The following BNC2 variants were observed in gnomAD, a reference collection of about 807,000 sequenced individuals.
BNC2 encodes the protein zinc finger protein basonuclin-2.
BNC2 carries 20 observed loss-of-function variants against 76.3 expected under a neutral mutation model. The observed-to-expected ratio is 0.26, with a 90% CI of 0.18 to 0.38. The LOEUF (loss-of-function observed/expected upper bound fraction) is 0.38. Ranked by LOEUF, BNC2 falls within the 10% of genes least tolerant of loss-of-function variation. The pLI is 1.00. For missense variants in BNC2, 1,382 were observed against 1,399.8 expected (o/e 0.99, Z 0.20); for synonymous variants, 582 against 514.8 (o/e 1.13, Z -1.77).
intron 1 of BNC2, among the ~76,000 whole-genome samples, chr9:16,815,255 TAGATC>T (rs1413086194): frequency 6.6e-6 from 1 of 152,068 alleles, no homozygotes; most frequent in Non-Finnish European, 1.5e-5. Context: ...AGGGTAAACA[TAGATC>T]AGATATGGTA....
chr9:16,439,599 T>G (rs1821085757), intron 5 of BNC2, among the ~76,000 whole-genome samples: 1 of 152,160 alleles, frequency 6.6e-6, no homozygotes, highest in African/African-American at 2.4e-5. Flanking sequence ...CTGTACTGCT[T>G]TTGCAAGGGA....
intron 1 of BNC2, among the ~76,000 whole-genome samples, chr9:16,842,044 A>G (rs1818843760): frequency 6.6e-6 from 1 of 152,188 alleles, no homozygotes; most frequent in Non-Finnish European, 1.5e-5. Flanking sequence ...TCCTGACCTC[A>G]GATGATCCAC....
intron 5 of BNC2, among the ~76,000 whole-genome samples, chr9:16,506,634 T>C (rs925129685): frequency 1.4e-5 from 2 of 147,838 alleles, no homozygotes; most frequent in Non-Finnish European, 3.0e-5. Flanking sequence ...CAAACGATTC[T>C]CCTGCCTCAG....
intron 3 of BNC2, among the ~76,000 whole-genome samples, chr9:16,616,513 A>G (rs1451633951): frequency 6.6e-6 from 1 of 151,612 alleles, no homozygotes; most frequent in African/African-American, 2.4e-5. Context: ...TGTGGGCAAT[A>G]TTGCAAGACC....
chr9:16,787,152 C>G (rs1172012988), intron 1 of BNC2, among the ~76,000 whole-genome samples: 1 of 152,190 alleles, frequency 6.6e-6, no homozygotes, highest in East Asian at 1.9e-4. Flanking sequence ...TCTCTCTTCA[C>G]TGATGTGAAA....
chr9:16,632,181 T>C (rs1350122817), intron 3 of BNC2, among the ~76,000 whole-genome samples: 1 of 152,026 alleles, frequency 6.6e-6, no homozygotes, highest in African/African-American at 2.4e-5. Flanking sequence ...CATATGATGG[T>C]AGGAACTATT....
In BNC2 at chr9:16,637,975, T is replaced by C. The variant is rs941212073; in HGVS notation, c.331-54890A>G. 3.9e-5 allele frequency among the ~76,000 whole-genome samples: 6 copies of C among 152,202 alleles called. 1 individual carries two copies. The South Asian group carries it at 6.2e-4, about 16-fold the overall frequency. On this transcript the variant is annotated intron_variant, in intron 3 of 6. Coordinates refer to ENST00000380672, the MANE Select transcript of BNC2 (RefSeq NM_017637.6). ...GCAAAAAATCAGAAATATACTTAGG[T>C]GTGGCTGATAACAAAATCACTGGGA... is the stretch of plus-strand genomic sequence containing the variant.
intron 1 of BNC2, among the ~76,000 whole-genome samples, chr9:16,832,788 C>T (rs1818609268): frequency 6.6e-6 from 1 of 151,804 alleles, no homozygotes; most frequent in Non-Finnish European, 1.5e-5. Flanking sequence ...TGCAGTGGCG[C>T]GATCTCGGCT....
intron 3 of BNC2, among the ~76,000 whole-genome samples, chr9:16,708,176 G>T (rs986831450): frequency 2.6e-4 from 39 of 152,160 alleles, no homozygotes; most frequent in African/African-American, 4.8e-4. Flanking sequence ...AATTTATTTT[G>T]GTGGGTACAA....
At chr9:16,624,377 C>T (rs1820937628) in intron 3 of BNC2, among the ~76,000 whole-genome samples, 1 of 150,914 alleles carries the variant, frequency 6.6e-6, no homozygotes, top group Admixed American at 6.6e-5. Context: ...CAGATGTATG[C>T]ACAAGGAAAT....
At chr9:16,730,487 A>G (rs1587360075) in intron 2 of BNC2, among the ~76,000 whole-genome samples, 1 of 152,180 alleles carries the variant, frequency 6.6e-6, no homozygotes, top group Non-Finnish European at 1.5e-5. Flanking sequence ...ACTAAATGTG[A>G]CAGACTGAGA....
intron 3 of BNC2, among the ~76,000 whole-genome samples, chr9:16,690,472 T>C (rs995639158): frequency 6.6e-6 from 1 of 151,952 alleles, no homozygotes; most frequent in Admixed American, 6.6e-5. Flanking sequence ...TATACATACA[T>C]ACATACATAC....
intron 5 of BNC2, among the ~76,000 whole-genome samples, chr9:16,495,417 A>T (rs1024319539): frequency 6.6e-6 from 1 of 152,244 alleles, no homozygotes; most frequent in African/African-American, 2.4e-5. Context: ...AGCAGATCAC[A>T]TACTCAAAAG....
At chr9:16,823,094 A>G (rs943951556) in intron 1 of BNC2, among the ~76,000 whole-genome samples, 8 of 152,144 alleles carry the variant, frequency 5.3e-5, no homozygotes, top group East Asian at 1.9e-4. Flanking sequence ...TCTTCATACT[A>G]GGAAATTGAG....
chr9:16,648,352 C>G (rs1476770716), intron 3 of BNC2, among the ~76,000 whole-genome samples: 1 of 152,286 alleles, frequency 6.6e-6, no homozygotes, highest in Middle Eastern at 3.4e-3. Flanking sequence ...ATCAGGACAC[C>G]AAGCTCTGAG....
chr9:16,601,557 C>T (rs2133305549), intron 3 of BNC2, among the ~76,000 whole-genome samples: 1 of 152,280 alleles, frequency 6.6e-6, no homozygotes, highest in Non-Finnish European at 1.5e-5. Flanking sequence ...AGCAGAGCTT[C>T]TCAGAGGGAG....
intron 1 of BNC2, among the ~76,000 whole-genome samples, chr9:16,785,408 T>C (rs1247255319): frequency 6.6e-6 from 1 of 152,126 alleles, no homozygotes; most frequent in African/African-American, 2.4e-5. Flanking sequence ...TTCTTTTTTT[T>C]AGTTAAGACA....
At chr9:16,815,635 G>A (rs1167958211) in intron 1 of BNC2, among the ~76,000 whole-genome samples, 1 of 152,134 alleles carries the variant, frequency 6.6e-6, no homozygotes, top group Non-Finnish European at 1.5e-5. Context: ...CTAATACTCT[G>A]GTTAACCATA....
chr9:16,850,766 C>T (rs1194205660), intron 1 of BNC2, among the ~76,000 whole-genome samples: 2 of 151,782 alleles, frequency 1.3e-5, no homozygotes, highest in African/African-American at 4.8e-5. Flanking sequence ...TCACTGCACT[C>T]CGGTCAGGGT....
Sources: gnomAD v4.1 joint callset for allele counts (sites outside exome capture counted in the v4.1 genomes callset) on GRCh38, gnomAD v4.1.1 for gene constraint, MANE v1.5 for transcripts, NCBI Gene and HGNC (gene_info 2026-07-23, HGNC 2026-07-21) for gene names.